LRP2: variants seen among roughly 807,000 people sequenced by gnomAD.
The protein encoded by LRP2 is LDL receptor related protein 2.
LRP2 carries 172 observed loss-of-function variants against 531.0 expected under a neutral mutation model. That is an observed-to-expected ratio of 0.32 (90% CI 0.29 to 0.37). The LOEUF is 0.37. Among genes scored for constraint, LRP2 ranks in the 10% least tolerant of loss-of-function variants. The probability of loss-of-function intolerance (pLI) is 1.00; values close to 1 mark genes in which losing one functional copy is unlikely to be tolerated. For missense variants in LRP2, 5,167 were observed against 5,868.3 expected (o/e 0.88, Z 3.90); for synonymous variants, 1,992 against 2,027.6 (o/e 0.98, Z 0.47).
In LRP2 at chr2:169,237,079, C is replaced by T. The variant is rs750695553; in HGVS notation, c.4691+24G>A. 5.0e-6 allele frequency: 8 copies of T among 1,598,200 alleles called. No homozygotes were observed. The East Asian group carries it at 1.1e-4, about 22-fold the overall frequency. ...CCTCATCATAACCATGTCAAGGCAACATAATTTTAAAAAAAAGTCTTACTT... is the reference window on the plus strand; with the variant it reads ...CCTCATCATAACCATGTCAAGGCAATATAATTTTAAAAAAAAGTCTTACTT... On this transcript the variant is annotated intron_variant, in intron 28 of 78. Transcript: ENST00000649046.
chr2:169,246,472 G>A (rs550815878), intron 21 of LRP2, among the ~76,000 whole-genome samples: 2 of 152,192 alleles, frequency 1.3e-5, no homozygotes, highest in Admixed American at 1.3e-4. Flanking sequence ...AACAGCCAAT[G>A]TCAAGGAAAA....
intron 19 of LRP2, among the ~76,000 whole-genome samples, chr2:169,254,652 A>T (rs139464828): frequency 0.018 from 2,070 of 114,376 alleles, 374 homozygotes; most frequent in Middle Eastern, 0.095. Flanking sequence ...ATAAAAAAAA[A>T]AAAAAACAGC....
rs551706652 is a variant in LRP2 at position 169,362,436 on chromosome 2, G to A, written c.-37C>T. 3.9e-6 allele frequency: 6 copies of A among 1,528,920 alleles called. No homozygotes were observed. The highest frequency in any genetic ancestry group is 5.3e-6 in the Non-Finnish European group (6 of 1,134,218). 94.7% of individuals were successfully genotyped at this position (1,528,920 alleles called of 1,614,324 possible). A position where few individuals can be genotyped will look rare whatever the true frequency, so the allele number is the denominator to read the frequency against. ...TCCCCGGCCTCGCCGTTCCTTCCCC[G>A]GGAGGTGGGCGCGCGTAGCACACCG... On this transcript the variant is annotated 5_prime_UTR_variant, in exon 1 of 79. Coordinates refer to ENST00000649046, the MANE Select transcript of LRP2 (RefSeq NM_004525.3).
intron 31 of LRP2, among the ~76,000 whole-genome samples, chr2:169,229,819 T>C (rs1316501573): frequency 6.6e-6 from 1 of 152,174 alleles, no homozygotes; most frequent in African/African-American, 2.4e-5. Flanking sequence ...CTTAACAGCA[T>C]CACAGAAGCA....
chr2:169,193,324 G>A (rs1280221265), intron 47 of LRP2, among the ~76,000 whole-genome samples: 5 of 151,684 alleles, frequency 3.3e-5, no homozygotes, highest in Non-Finnish European at 7.4e-5. Context: ...CCAACTACTT[G>A]GGAGGCTGAA....
intron 50 of LRP2, 96 bp from the exon 51 acceptor site, chr2:169,182,415 CA>C: frequency 6.3e-7 from 1 of 1,595,428 alleles, no homozygotes; most frequent in Admixed American, 1.7e-5. Context: ...CTGAGAATCA[CA>C]GACAGTTGTT....
At chr2:169,212,932 A>G (rs1688650274) in intron 36 of LRP2, among the ~76,000 whole-genome samples, 3 of 152,094 alleles carry the variant, frequency 2.0e-5, no homozygotes, top group African/African-American at 7.2e-5. Flanking sequence ...ATAAAAAAAA[A>G]AGAATATTCT....
intron 4 of LRP2, among the ~76,000 whole-genome samples, chr2:169,296,716 G>T (rs1156335632): frequency 6.6e-6 from 1 of 152,100 alleles, no homozygotes; most frequent in Non-Finnish European, 1.5e-5. Flanking sequence ...AAGTGTGCTG[G>T]ATGGATCTCT....
intron 3 of LRP2, among the ~76,000 whole-genome samples, chr2:169,311,622 A>C (rs2105501079): frequency 6.6e-6 from 1 of 152,322 alleles, no homozygotes; most frequent in East Asian, 1.9e-4. Context: ...ACTTCCAACT[A>C]TGTGGTCAAT....
At position 169,290,841 on chromosome 2, in the gene LRP2, T is replaced by G. The variant is rs1683980354; in HGVS notation, c.922+4A>C. On this transcript the variant is annotated splice_donor_region_variant and intron_variant, in intron 8 of 78. Coordinates refer to ENST00000649046, the MANE Select transcript of LRP2 (RefSeq NM_004525.3). ...AAGCTACCCAGGTAAATGTCTATACTCACTACAGTATTTTCCGGTACTAGT... is the reference window on the plus strand; with the variant it reads ...AAGCTACCCAGGTAAATGTCTATACGCACTACAGTATTTTCCGGTACTAGT... The G allele has an allele frequency of 1.2e-6, 2 of 1,613,818 alleles. No homozygotes were observed. The highest frequency in any genetic ancestry group is 1.7e-6 in the Non-Finnish European group (2 of 1,179,856).
In LRP2 at chr2:169,157,434, C is replaced by T. The variant is rs1168587596; in HGVS notation, c.11956G>A (p.Gly3986Arg). Reference sequence around the variant, plus strand: ...CCAGCTGTACAGGAGCAGATAAATCCTCCTTCATTTAATTGGGTACAATTT... The same window carrying T: ...CCAGCTGTACAGGAGCAGATAAATCTTCCTTCATTTAATTGGGTACAATTT... ...EQNCTQLNEG[G>R]FICSCTAGFE... is the part of the protein sequence containing the mutation. The change falls in exon 64 of 79, where the codon GGA (glycine) becomes AGA (arginine). Residue 3986 changes from glycine (G) to arginine (R), a missense_variant. Physicochemically the swap from Gly to Arg is moderately radical, Grantham distance 125. Transcript: ENST00000649046. 1 of 1,533,546 alleles carries T rather than the reference C, an allele frequency of 6.5e-7. No individual in the cohort carries two copies. Among genetic ancestry groups the T allele is most frequent in the African/African-American group, 1.4e-5 (1 of 72,560 alleles). The allele number at this position is 1,533,546 out of a possible 1,614,324, so 95.0% of individuals were successfully genotyped here.
At chr2:169,302,667 A>G (rs999344791) in intron 4 of LRP2, among the ~76,000 whole-genome samples, 1 of 152,100 alleles carries the variant, frequency 6.6e-6, no homozygotes, top group Non-Finnish European at 1.5e-5. Flanking sequence ...CAGAGGACAG[A>G]GAATGTGTTA....
chr2:169,174,312 G>A (rs1687108745), intron 55 of LRP2, 148 bp from the exon 56 acceptor site: 3 of 881,092 alleles, frequency 3.4e-6, no homozygotes, highest in South Asian at 1.6e-5. Flanking sequence ...ACTACTACAT[G>A]GAGCACTTCT....
chr2:169,234,728 T>C (rs1689539491), intron 29 of LRP2, among the ~76,000 whole-genome samples: 1 of 152,224 alleles, frequency 6.6e-6, no homozygotes, highest in Admixed American at 6.5e-5. Flanking sequence ...TGAACTAATT[T>C]ACACTCCCAC....
rs2105282414 is a variant in LRP2 at position 169,174,296 on chromosome 2, G to A, written c.10769-132C>T. 3 of 1,065,184 alleles carry A rather than the reference G, an allele frequency of 2.8e-6. No homozygotes were observed. The South Asian group carries it at 4.2e-5, about 15-fold the overall frequency. 66.0% of individuals were successfully genotyped at this position (1,065,184 alleles called of 1,614,324 possible). On this transcript the variant is annotated intron_variant, in intron 55 of 78. Coordinates refer to ENST00000649046, the MANE Select transcript of LRP2 (RefSeq NM_004525.3). The stretch of plus-strand genomic sequence containing the variant: ...GACTTATTTCCTAATGTACTTATCA[G>A]TCAGTACTACTACATGGAGCACTTC...
chr2:169,171,639 C>T (rs550382500), intron 58 of LRP2, among the ~76,000 whole-genome samples: 11 of 152,178 alleles, frequency 7.2e-5, no homozygotes, highest in Admixed American at 7.2e-4. Flanking sequence ...GGGTTAGCAC[C>T]CTTCCTCCCT....
chr2:169,239,487 G>C (rs368925480), intron 26 of LRP2, 40 bp downstream of exon 26: 1 of 1,613,754 alleles, frequency 6.2e-7, no homozygotes. Flanking sequence ...TAAGCTCTGG[G>C]ATGTGCTGAT....
At chr2:169,255,711 G>C (rs1281262344) in intron 19 of LRP2, among the ~76,000 whole-genome samples, 2 of 152,098 alleles carry the variant, frequency 1.3e-5, no homozygotes, top group African/African-American at 4.8e-5. Flanking sequence ...ACAAACACTG[G>C]AGAATAATGA....
intron 44 of LRP2, among the ~76,000 whole-genome samples, chr2:169,200,610 CTAA>C (rs1688173585): frequency 6.6e-6 from 1 of 152,056 alleles, no homozygotes; most frequent in African/African-American, 2.4e-5. Context: ...CAATATAATA[CTAA>C]ACTAAACTAA....
Sources: allele counts gnomAD v4.1 joint callset (sites outside exome capture counted in the v4.1 genomes callset), GRCh38; gene constraint gnomAD v4.1.1; transcripts MANE v1.5; gene names NCBI Gene and HGNC (gene_info 2026-07-23, HGNC 2026-07-21).